The following COL8A2 variants were observed in gnomAD, a reference collection of about 807,000 sequenced individuals.
The protein encoded by COL8A2 is collagen type VIII alpha 2 chain.
COL8A2 carries 16 observed loss-of-function variants against 24.0 expected under a neutral mutation model. The ratio of observed to expected loss-of-function variants is 0.67; its 90% CI spans 0.45 to 1.01. COL8A2 has a LOEUF of 1.01. Among genes scored for constraint, COL8A2 ranks in the 50% least tolerant of loss-of-function variants. The probability of loss-of-function intolerance (pLI) is 0.00; values close to 1 mark genes in which losing one functional copy is unlikely to be tolerated. For synonymous variants in COL8A2, 466 were observed against 424.5 expected, an observed-to-expected ratio of 1.10 and a Z score of -1.20; for missense variants, 818 against 942.4, an observed-to-expected ratio of 0.87 and a Z score of 1.73.
intron 2 of COL8A2, among the ~76,000 whole-genome samples, chr1:36,111,552 CA>C (rs1358905253): frequency 1.7e-5 from 1 of 60,170 alleles, no homozygotes; most frequent in African/African-American, 5.8e-5. Flanking sequence ...TCCCCTGAGC[CA>C]TTTTTTTTTT....
rs1428116553 is a variant in COL8A2 at position 36,099,630 on chromosome 1, T to C, written c.194-143A>G. The stretch of plus-strand genomic sequence containing the variant: ...CTTCCTGCTCTCATGGAAGATGGGG[T>C]TTGGGGGTGGCCCAGGGGACATCTT... On this transcript the variant is annotated intron_variant, in intron 3 of 3. Coordinates refer to ENST00000397799, the MANE Select transcript of COL8A2 (RefSeq NM_005202.4). 7.1e-6 allele frequency: 5 copies of C among 707,522 alleles called. No homozygotes were observed. The East Asian group carries it at 8.1e-5, about 11-fold the overall frequency. 43.8% of individuals were successfully genotyped at this position (707,522 alleles called of 1,614,324 possible).
At chr1:36,105,966 A>AGAGAG (rs58578252) in intron 2 of COL8A2, among the ~76,000 whole-genome samples, 3,890 of 137,274 alleles carry the variant, frequency 0.028, 323 homozygotes, top group East Asian at 0.24. Context: ...AAAAAAAAAA[A>AGAGAG]AGAGAGAGAG....
intron 2 of COL8A2, among the ~76,000 whole-genome samples, chr1:36,102,025 A>G (rs972795511): frequency 2.5e-4 from 38 of 152,150 alleles, no homozygotes; most frequent in African/African-American, 9.2e-4. Flanking sequence ...CAAAACAAAC[A>G]AACAAAAAAT....
intron 1 of COL8A2, among the ~76,000 whole-genome samples, chr1:36,116,687 C>T (rs905558544): frequency 3.3e-5 from 5 of 152,148 alleles, no homozygotes; most frequent in Middle Eastern, 3.2e-3. Flanking sequence ...AAGGATGAGT[C>T]GGAGTCTGAA....
rs201069373 is a variant in COL8A2 at position 36,098,072 on chromosome 1, C to T, written c.1609G>A (p.Asp537Asn). ...TGCAAGCCTGCGATGCCAGTCTCAT[C>T]GAAGGCCCCAGGGGCACCAGGGGGT... ...PGPPGAPGAF[D>N]ETGIAGLHLP... The change falls in exon 4 of 4, where the codon GAT (aspartate) becomes AAT (asparagine). Residue 537 changes from aspartate to asparagine, a missense_variant. Physicochemically the swap from Asp to Asn is conservative, Grantham distance 23 (BLOSUM62 1). Transcript: ENST00000397799. 31 of 1,572,018 alleles carry T rather than the reference C, an allele frequency of 2.0e-5. No homozygotes were observed. The highest frequency in any genetic ancestry group is 1.8e-4 in the Middle Eastern group (1 of 5,496).
Position 36,098,042 on chromosome 1 carries a change from G to C in COL8A2, c.1639C>G (p.Pro547Ala). The C allele has an allele frequency of 1.3e-6, 2 of 1,591,108 alleles. No individual in the cohort carries two copies. The highest frequency in any genetic ancestry group is 8.5e-7 in the Non-Finnish European group (1 of 1,173,404). ...ACGGCACCCTCCACACCGCCGTTGGGCAGGTGCAAGCCTGCGATGCCAGTC... is the reference window on the plus strand; with the variant it reads ...ACGGCACCCTCCACACCGCCGTTGGCCAGGTGCAAGCCTGCGATGCCAGTC... The part of the protein sequence containing the change: ...DETGIAGLHL[P>A]NGGVEGAVLG... The change falls in exon 4 of 4, where the codon CCC becomes GCC. Residue 547 changes from proline to alanine, a missense_variant. Physicochemically the swap from Pro to Ala is conservative, Grantham distance 27 (BLOSUM62 -1). Transcript: ENST00000397799.
Position 36,106,603 on chromosome 1 carries a change from C to T in COL8A2, c.-16-6345G>A, listed in dbSNP as rs371258302. 1.9e-3 allele frequency among the ~76,000 whole-genome samples: 290 copies of T among 152,286 alleles called. 8 individuals carry two copies. In the South Asian group the frequency reaches 0.056, roughly 30 times the overall value. The stretch of plus-strand genomic sequence containing the variant: ...GCCCATGGTCAAAGTCCTGACACCA[C>T]CACAAGAGGATCCAGAACAGCCCTG... On this transcript the variant is annotated intron_variant, in intron 2 of 3. Transcript: ENST00000397799.
Position 36,098,981 on chromosome 1 carries a change from C to A in COL8A2, c.700G>T (p.Ala234Ser), listed in dbSNP as rs199800387. The A allele has an allele frequency of 3.7e-6, 6 of 1,604,458 alleles. No homozygotes were observed. In the East Asian group the frequency reaches 1.3e-4, roughly 36 times the overall value. ...APGPPGLPGP[A>S]GLGKPGLDGL... is the part of the protein sequence containing the mutation. ...TCCAAACCAGGTTTGCCTAAGCCAG[C>A]TGGACCAGGGAGGCCGGGGGGGCCG... The change falls in exon 4 of 4, where the codon GCT (alanine) becomes TCT (serine). Residue 234 changes from alanine (A) to serine (S), a missense_variant. By Grantham distance (99) the Ala-to-Ser change is moderately conservative (BLOSUM62 1). Transcript: ENST00000397799.
chr1:36,112,128 C>G (rs944488171), intron 2 of COL8A2, among the ~76,000 whole-genome samples: 5 of 152,096 alleles, frequency 3.3e-5, no homozygotes, highest in Non-Finnish European at 7.4e-5. Context: ...CTCAGCCTCC[C>G]GAGTAGCTGG....
intron 1 of COL8A2, among the ~76,000 whole-genome samples, chr1:36,122,615 G>A (rs952129364): frequency 7.2e-5 from 11 of 151,886 alleles, no homozygotes; most frequent in Admixed American, 2.0e-4. Flanking sequence ...TGGCCCCATC[G>A]CCAACCGGCT....
intron 2 of COL8A2, among the ~76,000 whole-genome samples, chr1:36,105,866 T>G (rs192730343): frequency 1.3e-5 from 2 of 151,456 alleles, no homozygotes; most frequent in East Asian, 3.9e-4. Context: ...GGAAGATCAC[T>G]TGAGCCCAGG....
At chr1:36,113,035 G>A (rs1643862640) in intron 2 of COL8A2, among the ~76,000 whole-genome samples, 1 of 152,158 alleles carries the variant, frequency 6.6e-6, no homozygotes, top group South Asian at 2.1e-4. Flanking sequence ...GTAGAATGTG[G>A]ACCAGTTAGG....
At chr1:36,104,855 T>C (rs1351971529) in intron 2 of COL8A2, among the ~76,000 whole-genome samples, 1 of 152,150 alleles carries the variant, frequency 6.6e-6, no homozygotes, top group East Asian at 1.9e-4. Flanking sequence ...AACCTGCTTC[T>C]TGGGGCTGCT....
chr1:36,112,505 T>C (rs917782450), intron 2 of COL8A2, among the ~76,000 whole-genome samples: 1 of 152,146 alleles, frequency 6.6e-6, no homozygotes, highest in African/African-American at 2.4e-5. Flanking sequence ...TCCTGTGGAC[T>C]CTGCCTGCTC....
chr1:36,099,407 CA>C lies in COL8A2; in HGVS notation c.273del (p.Gly92AlafsTer145), dbSNP rs753336858. On this transcript the variant is annotated frameshift_variant, in exon 4 of 4. Transcript: ENST00000397799. LOFTEE classifies it low-confidence loss of function (END_TRUNC). ...PPGKPGPRGP[P>X]GPPGFPGKPG... Reference sequence around the variant, plus strand: ...GGTTTTCCTGGGAAGCCAGGGGGGCCAGGGGGACCCCGAGGCCCGGGCTTCC... The same window carrying C: ...GGTTTTCCTGGGAAGCCAGGGGGGCCGGGGGACCCCGAGGCCCGGGCTTCC... 2 of 1,557,250 alleles carry C rather than the reference CA, an allele frequency of 1.3e-6. No homozygotes were observed. Among genetic ancestry groups the C allele is most frequent in the South Asian group, 1.2e-5 (1 of 85,362 alleles).
At chr1:36,121,545 A>G (rs1643914424) in intron 1 of COL8A2, among the ~76,000 whole-genome samples, 1 of 151,240 alleles carries the variant, frequency 6.6e-6, no homozygotes, top group African/African-American at 2.4e-5. Flanking sequence ...CATCTCTACT[A>G]AAAATACAAA....
At chr1:36,099,762 G>A (rs547371305) in intron 3 of COL8A2, among the ~76,000 whole-genome samples, 52 of 152,244 alleles carry the variant, frequency 3.4e-4, no homozygotes, top group Admixed American at 9.2e-4. Context: ...TGCATGACCT[G>A]AAGGTGGAGT....
In COL8A2 at chr1:36,120,183, C is replaced by T. The variant is rs1024554387; in HGVS notation, c.-61-4431G>A. On this transcript the variant is annotated intron_variant, in intron 1 of 3. Coordinates refer to ENST00000397799, the MANE Select transcript of COL8A2 (RefSeq NM_005202.4). ...ATGAAGATGCCCCACACACTGTAGACGTACGACAATTGAGATTCCATTCCT... is the reference window on the plus strand; with the variant it reads ...ATGAAGATGCCCCACACACTGTAGATGTACGACAATTGAGATTCCATTCCT... Among the ~76,000 whole-genome samples, 9 of 152,308 alleles carry T rather than the reference C, an allele frequency of 5.9e-5. No individual in the cohort carries two copies. The South Asian group carries it at 8.3e-4, about 14-fold the overall frequency.
At chr1:36,107,168 G>A (rs1415370599) in intron 2 of COL8A2, among the ~76,000 whole-genome samples, 1 of 152,172 alleles carries the variant, frequency 6.6e-6, no homozygotes, top group Non-Finnish European at 1.5e-5. Flanking sequence ...CTTTCGGGAG[G>A]CTGCGACGGG....
Sources: gnomAD v4.1 joint callset for allele counts (sites outside exome capture counted in the v4.1 genomes callset) on GRCh38, gnomAD v4.1.1 for gene constraint, MANE v1.5 for transcripts, NCBI Gene and HGNC (gene_info 2026-07-23, HGNC 2026-07-21) for gene names.